ZFHX3: variants seen among roughly 807,000 people sequenced by gnomAD.
ZFHX3 encodes the protein zinc finger homeobox protein 3.
ZFHX3 carries 42 observed loss-of-function variants against 279.1 expected under a neutral mutation model. That is an observed-to-expected ratio of 0.15 (90% CI 0.12 to 0.19). The LOEUF is 0.19. ZFHX3 is among the 10% of genes least tolerant of loss of function. ZFHX3 has a pLI of 1.00. For missense variants in ZFHX3, 4,981 were observed against 4,754.0 expected, an observed-to-expected ratio of 1.05 and a Z score of -1.40; for synonymous variants, 2,293 against 1,957.8, an observed-to-expected ratio of 1.17 and a Z score of -4.52.
chr16:73,400,480 G>T (rs1567472357), intron 3 of ZFHX3: 2 of 152,174 alleles, frequency 1.3e-5, no homozygotes, highest in Non-Finnish European at 2.9e-5. Flanking sequence ...CCACAGCTCG[G>T]TCTCCACGGG....
At chr16:72,972,277 C>CT (rs1962139607) in intron 1 of ZFHX3, among the ~76,000 whole-genome samples, 1 of 152,060 alleles carries the variant, frequency 6.6e-6, no homozygotes, top group African/African-American at 2.4e-5. Flanking sequence ...CTGGTGATCC[C>CT]TCCCCCTTGA....
rs763680454 is a variant in ZFHX3, at chr16:72,957,525, T to C, written c.2621A>G (p.Asn874Ser). 5.6e-6 allele frequency: 9 copies of C among 1,614,016 alleles called. No individual in the cohort carries two copies. In the South Asian group the frequency reaches 8.8e-5, roughly 16 times the overall value. ...YYLAQNMNLPNLKMDSAASDA... is the reference protein window; with the variant it reads ...YYLAQNMNLPSLKMDSAASDA... ...CGAGGCAGCACTGTCCATCTTCAGGTTGGGCAGGTTCATGTTCTGGGCCAG... is the reference window on the plus strand; with the variant it reads ...CGAGGCAGCACTGTCCATCTTCAGGCTGGGCAGGTTCATGTTCTGGGCCAG... The change falls in exon 2 of 10, where the codon AAC (asparagine) becomes AGC (serine). Residue 874 changes from asparagine (N) to serine (S), a missense_variant. Transcript: ENST00000268489.
intron 4 of ZFHX3, among the ~76,000 whole-genome samples, chr16:72,831,076 G>A (rs1033836576): frequency 2.6e-5 from 4 of 152,270 alleles, no homozygotes; most frequent in Non-Finnish European, 4.4e-5. Context: ...CTAGAAAACA[G>A]CCTCTACCCC....
chr16:72,867,811 C>A (rs913031067), intron 4 of ZFHX3, among the ~76,000 whole-genome samples: 1 of 152,012 alleles, frequency 6.6e-6, no homozygotes, highest in African/African-American at 2.4e-5. Context: ...TCTAATGATG[C>A]CTCTGGTCAC....
intron 3 of ZFHX3, among the ~76,000 whole-genome samples, chr16:73,329,470 C>A (rs1466589386): frequency 6.6e-6 from 1 of 152,226 alleles, no homozygotes; most frequent in Non-Finnish European, 1.5e-5. Context: ...GATGCCTCGA[C>A]CGGCGGAGCC....
chr16:73,783,122 C>T (rs1959528034), intron 1 of ZFHX3, among the ~76,000 whole-genome samples: 1 of 152,102 alleles, frequency 6.6e-6, no homozygotes, highest in South Asian at 2.1e-4. Flanking sequence ...CTCCAGCTGC[C>T]CGGAGAGTTG....
chr16:73,148,869 C>T (rs1966882009), intron 5 of ZFHX3, among the ~76,000 whole-genome samples: 1 of 151,792 alleles, frequency 6.6e-6, no homozygotes, highest in Admixed American at 6.6e-5. Context: ...ACCATTTGAA[C>T]CTGGGAGGTG....
intron 1 of ZFHX3, among the ~76,000 whole-genome samples, chr16:73,703,825 C>A (rs566272680): frequency 5.6e-4 from 85 of 152,188 alleles, no homozygotes; most frequent in Non-Finnish European, 1.1e-3. Context: ...CACTGTGGTA[C>A]GTTTTTGAGG....
intron 5 of ZFHX3, among the ~76,000 whole-genome samples, chr16:73,253,937 A>G (rs1391042136): frequency 6.6e-6 from 1 of 152,144 alleles, no homozygotes; most frequent in Non-Finnish European, 1.5e-5. Context: ...GCCTGCTAAT[A>G]CTGGCCTTGG....
chr16:73,857,530 C>A (rs930083482), intron 1 of ZFHX3, among the ~76,000 whole-genome samples: 2 of 152,014 alleles, frequency 1.3e-5, no homozygotes, highest in Non-Finnish European at 2.9e-5. Context: ...AATATAAAAG[C>A]GGGGAGGAGA....
intron 5 of ZFHX3, among the ~76,000 whole-genome samples, chr16:73,172,179 T>C (rs1274351026): frequency 2.0e-5 from 3 of 152,186 alleles, no homozygotes; most frequent in African/African-American, 7.2e-5. Context: ...TTATGGACAC[T>C]CTGAGTGACA....
chr16:73,508,860 C>T (rs190819333), intron 2 of ZFHX3, among the ~76,000 whole-genome samples: 5 of 152,326 alleles, frequency 3.3e-5, no homozygotes, highest in Admixed American at 6.5e-5. Flanking sequence ...CTTCAACCAA[C>T]GTAAGAACTG....
chr16:73,026,045 G>C (rs1228055313), intron 1 of ZFHX3, among the ~76,000 whole-genome samples: 1 of 152,016 alleles, frequency 6.6e-6, no homozygotes, highest in Non-Finnish European at 1.5e-5. Context: ...GTCTCCGATA[G>C]GCTGAAATAG....
At position 73,188,052 on chromosome 16, in the gene ZFHX3, G is replaced by A. The variant is rs562054692; in HGVS notation, c.-1103-44221C>T. On this transcript the variant is annotated intron_variant, in intron 5 of 17. Coordinates refer to the ZFHX3 transcript ENST00000641206. ...AATTTTTTGTATTTTTAGTGGAGAC[G>A]GGGTTTCACTCTGTTAGCCAGGATG... is the stretch of plus-strand genomic sequence containing the variant. Among the ~76,000 whole-genome samples, 28 of 152,216 alleles carry A rather than the reference G, an allele frequency of 1.8e-4. No individual in the cohort carries two copies. In the East Asian group the frequency reaches 4.4e-3, roughly 24 times the overall value.
chr16:73,772,827 C>T (rs151010700), intron 1 of ZFHX3, among the ~76,000 whole-genome samples: 194 of 152,284 alleles, frequency 1.3e-3, no homozygotes, highest in African/African-American at 4.0e-3. Context: ...TAATTACTAC[C>T]GCATATCAGA....
chr16:73,316,876 G>C (rs541231695), intron 4 of ZFHX3, among the ~76,000 whole-genome samples: 2 of 152,298 alleles, frequency 1.3e-5, no homozygotes, highest in East Asian at 3.9e-4. Context: ...TTTGTTTCTT[G>C]AGCTAAGGGG....
intron 1 of ZFHX3, among the ~76,000 whole-genome samples, chr16:73,732,894 G>A (rs570532494): frequency 1.3e-5 from 2 of 152,138 alleles, no homozygotes; most frequent in Non-Finnish European, 2.9e-5. Flanking sequence ...TAAGGCGGTG[G>A]GTTCAGCAGG....
At chr16:73,582,847 C>G (rs999335915) in intron 2 of ZFHX3, among the ~76,000 whole-genome samples, 2 of 151,360 alleles carry the variant, frequency 1.3e-5, no homozygotes, top group Non-Finnish European at 2.9e-5. Context: ...AGATGATACT[C>G]AGCAAGAGTG....
At chr16:73,745,583 T>C (rs1377459701) in intron 1 of ZFHX3, among the ~76,000 whole-genome samples, 1 of 152,210 alleles carries the variant, frequency 6.6e-6, no homozygotes, top group Non-Finnish European at 1.5e-5. Context: ...AATAGTGCTG[T>C]TCAAACCAAA....
Sources: allele counts gnomAD v4.1 joint callset (sites outside exome capture counted in the v4.1 genomes callset), GRCh38; gene constraint gnomAD v4.1.1; transcripts MANE v1.5; gene names NCBI Gene and HGNC (gene_info 2026-07-23, HGNC 2026-07-21).